The following WDR70 variants were observed in gnomAD, a reference collection of about 807,000 sequenced individuals.
WDR70 encodes the protein WD repeat domain 70, also known as WD repeat-containing protein 70.
WDR70 carries 53 observed loss-of-function variants against 88.6 expected under a neutral mutation model. The observed-to-expected ratio is 0.60, with a 90% CI of 0.48 to 0.75. The LOEUF (loss-of-function observed/expected upper bound fraction) is 0.75. WDR70 is among the 30% of genes least tolerant of loss of function. WDR70 has a pLI of 0.00. For synonymous variants in WDR70, 280 were observed against 270.0 expected (o/e 1.04, Z -0.36); for missense variants, 610 against 823.2 (o/e 0.74, Z 3.17).
intron 10 of WDR70, among the ~76,000 whole-genome samples, chr5:37,651,641 A>G (rs111892668): frequency 1.9e-4 from 29 of 152,278 alleles, no homozygotes; most frequent in African/African-American, 6.5e-4. Flanking sequence ...CTTTTTAAGG[A>G]TCACCATTCT....
At chr5:37,455,651 T>C in intron 7 of WDR70, among the ~76,000 whole-genome samples, 1 of 141,792 alleles carries the variant, frequency 7.1e-6, no homozygotes, top group East Asian at 2.0e-4. Flanking sequence ...TTTTTTTTTT[T>C]TTTTGCCACA....
At chr5:37,711,399 A>G (rs941972430) in intron 13 of WDR70, among the ~76,000 whole-genome samples, 7 of 152,168 alleles carry the variant, frequency 4.6e-5, no homozygotes, top group Admixed American at 2.0e-4. Flanking sequence ...CAACTTCCCT[A>G]AAGAGTTCAT....
intron 8 of WDR70, among the ~76,000 whole-genome samples, chr5:37,503,151 C>CT (rs1321368535): frequency 6.6e-6 from 1 of 151,908 alleles, no homozygotes; most frequent in Non-Finnish European, 1.5e-5. Context: ...CTGTAGTTTT[C>CT]TTTTTTTGGT....
At chr5:37,734,497 G>C (rs1258685289) in intron 17 of WDR70, among the ~76,000 whole-genome samples, 1 of 152,054 alleles carries the variant, frequency 6.6e-6, no homozygotes, top group African/African-American at 2.4e-5. Context: ...TTATATGCTA[G>C]TAGAGACAGA....
At chr5:37,745,829 G>A (rs1056373714) in intron 17 of WDR70, among the ~76,000 whole-genome samples, 2 of 152,076 alleles carry the variant, frequency 1.3e-5, no homozygotes, top group Non-Finnish European at 2.9e-5. Context: ...CATTAATAGT[G>A]GGAGACTCTA....
Position 37,520,620 on chromosome 5 carries a change from G to A in WDR70, c.917+4030G>A, listed in dbSNP as rs190623756. 2.6e-3 allele frequency among the ~76,000 whole-genome samples: 403 copies of A among 152,176 alleles called. 1 individual carries two copies. The highest frequency in any genetic ancestry group is 5.6e-3 in the Admixed American group (85 of 15,284). On this transcript the variant is annotated intron_variant, in intron 9 of 17. Coordinates refer to ENST00000265107, the MANE Select transcript of WDR70 (RefSeq NM_018034.4). Reference sequence around the variant, plus strand: ...GGTAAGGTTTATTCTAGGATGTAAGGATATTTTACCACCAGGATATTTCAG... The same window carrying A: ...GGTAAGGTTTATTCTAGGATGTAAGAATATTTTACCACCAGGATATTTCAG...
intron 10 of WDR70, among the ~76,000 whole-genome samples, chr5:37,619,522 A>G (rs937202236): frequency 1.3e-5 from 2 of 152,228 alleles, no homozygotes; most frequent in African/African-American, 2.4e-5. Flanking sequence ...ACTATTATAA[A>G]CAAAATAGTA....
intron 8 of WDR70, among the ~76,000 whole-genome samples, chr5:37,485,663 ATATT>A (rs1739839079): frequency 6.6e-6 from 1 of 151,888 alleles, no homozygotes; most frequent in Admixed American, 6.6e-5. Context: ...TGAACAATAT[ATATT>A]ATTTATTTAT....
intron 10 of WDR70, among the ~76,000 whole-genome samples, chr5:37,680,897 A>G (rs1039885826): frequency 1.3e-5 from 2 of 152,204 alleles, no homozygotes; most frequent in African/African-American, 2.4e-5. Context: ...TTTTGGTTCC[A>G]TATGAGTAGT....
chr5:37,703,664 T>C (rs1332548893), intron 13 of WDR70, among the ~76,000 whole-genome samples: 2 of 152,226 alleles, frequency 1.3e-5, no homozygotes, highest in Non-Finnish European at 2.9e-5. Context: ...AACACCAGCA[T>C]TCACTGATGC....
At position 37,396,433 on chromosome 5, in the gene WDR70, G is replaced by A. The variant is rs1749015380; in HGVS notation, c.355G>A (p.Gly119Ser). ...TGACTCTTCTGATGATGAGTTAATT[G>A]GCCCTCCTTTACCCCCTAAAATGGT... is the stretch of plus-strand genomic sequence containing the variant. ...SSDSSDDELI[G>S]PPLPPKMVGK... is the part of the protein sequence containing the mutation. Residue 119 changes from glycine (G) to serine (S), a missense_variant, in exon 5 of 18, where the codon GGC (glycine) becomes AGC (serine). Transcript: ENST00000265107. The A allele has an allele frequency of 6.2e-7, 1 of 1,613,746 alleles. No homozygotes were observed. The highest frequency in any genetic ancestry group is 8.5e-7 in the Non-Finnish European group (1 of 1,179,970).
intron 9 of WDR70, among the ~76,000 whole-genome samples, chr5:37,592,494 G>A (rs1172951528): frequency 1.3e-5 from 2 of 152,192 alleles, no homozygotes; most frequent in Non-Finnish European, 2.9e-5. Flanking sequence ...GCGCAGCACA[G>A]TAGCATCACC....
At chr5:37,481,873 C>T (rs1217101185) in intron 8 of WDR70, among the ~76,000 whole-genome samples, 3 of 152,176 alleles carry the variant, frequency 2.0e-5, no homozygotes, top group Non-Finnish European at 2.9e-5. Flanking sequence ...TACCTTAAAT[C>T]GTCTCTGTCA....
chr5:37,710,690 A>T (rs1018840955), intron 13 of WDR70, among the ~76,000 whole-genome samples: 3 of 152,230 alleles, frequency 2.0e-5, no homozygotes, highest in Admixed American at 2.0e-4. Flanking sequence ...GGGATCAGTA[A>T]CAGTGCTGTG....
chr5:37,604,046 A>G (rs1743962797), intron 9 of WDR70, among the ~76,000 whole-genome samples: 1 of 152,192 alleles, frequency 6.6e-6, no homozygotes, highest in Non-Finnish European at 1.5e-5. Flanking sequence ...TTTTTTAAAG[A>G]GATCTAAACA....
chr5:37,505,976 A>G, intron 8 of WDR70: 1 of 1,587,010 alleles, frequency 6.3e-7, no homozygotes, highest in Admixed American at 1.7e-5. Context: ...GATCCTCAAA[A>G]TTACACAGTT....
chr5:37,658,016 C>T (rs1745604640), intron 10 of WDR70, among the ~76,000 whole-genome samples: 1 of 152,006 alleles, frequency 6.6e-6, no homozygotes, highest in Admixed American at 6.5e-5. Flanking sequence ...TGTCTTCTTA[C>T]AGTAAAGTAA....
chr5:37,417,266 CAG>C (rs1053659413), intron 5 of WDR70, among the ~76,000 whole-genome samples: 2 of 152,120 alleles, frequency 1.3e-5, no homozygotes, highest in African/African-American at 4.8e-5. Context: ...CTCTGTCACT[CAG>C]ACTAGAGTGC....
chr5:37,751,651 A>G (rs1381469097), intron 17 of WDR70, among the ~76,000 whole-genome samples: 2 of 152,260 alleles, frequency 1.3e-5, no homozygotes, highest in African/African-American at 4.8e-5. Context: ...ACAAGCCGAA[A>G]TATATAACCT....
Sources: gnomAD v4.1 joint callset for allele counts (sites outside exome capture counted in the v4.1 genomes callset) on GRCh38, gnomAD v4.1.1 for gene constraint, MANE v1.5 for transcripts, NCBI Gene and HGNC (gene_info 2026-07-23, HGNC 2026-07-21) for gene names.